PLXDC2: variants seen among roughly 807,000 people sequenced by gnomAD.
PLXDC2 encodes the protein plexin domain-containing protein 2.
A neutral mutation model predicts 68.9 loss-of-function variants in PLXDC2; 40 were observed. That is an observed-to-expected ratio of 0.58 (90% CI 0.45 to 0.76). The LOEUF (loss-of-function observed/expected upper bound fraction) is 0.76, where lower values mean the gene tolerates loss of function less well. Ranked by LOEUF, PLXDC2 falls within the 30% of genes least tolerant of loss-of-function variation. The pLI is 0.00. For missense variants in PLXDC2, 644 were observed against 661.9 expected (o/e 0.97, Z 0.30); for synonymous variants, 243 against 234.2 (o/e 1.04, Z -0.34).
At chr10:19,969,811 G>T (rs1834320479) in intron 1 of PLXDC2, among the ~76,000 whole-genome samples, 1 of 152,178 alleles carries the variant, frequency 6.6e-6, no homozygotes, top group Admixed American at 6.5e-5. Flanking sequence ...TCATAAAACA[G>T]AATAGAAATG....
At chr10:20,254,416 A>G (rs1464553159) in intron 13 of PLXDC2, among the ~76,000 whole-genome samples, 1 of 152,184 alleles carries the variant, frequency 6.6e-6, no homozygotes, top group African/African-American at 2.4e-5. Flanking sequence ...GGACAAACCT[A>G]TGTAGTTCAT....
At chr10:19,945,632 A>ATT (rs1833889281) in intron 1 of PLXDC2, among the ~76,000 whole-genome samples, 1 of 152,018 alleles carries the variant, frequency 6.6e-6, no homozygotes, top group African/African-American at 2.4e-5. Context: ...TGTGACCTGA[A>ATT]TTGTCTGTGG....
chr10:19,820,640 C>CAAAAAA, intron 1 of PLXDC2, among the ~76,000 whole-genome samples: 1 of 127,272 alleles, frequency 7.9e-6, no homozygotes, highest in Non-Finnish European at 1.7e-5. Context: ...GACTCCGTCT[C>CAAAAAA]AAAAAAAAAA....
At chr10:20,130,586 G>T (rs1833853926) in intron 4 of PLXDC2, among the ~76,000 whole-genome samples, 1 of 151,996 alleles carries the variant, frequency 6.6e-6, no homozygotes. Context: ...ATCCCGAGAA[G>T]CTTTTAGCTT....
chr10:20,183,684 A>G (rs1834639669), intron 9 of PLXDC2, among the ~76,000 whole-genome samples: 1 of 151,994 alleles, frequency 6.6e-6, no homozygotes, highest in African/African-American at 2.4e-5. Context: ...GTGTCTGGAC[A>G]AATGCAGATA....
intron 4 of PLXDC2, among the ~76,000 whole-genome samples, chr10:20,108,682 T>C (rs537247745): frequency 1.7e-3 from 254 of 152,290 alleles, no homozygotes; most frequent in African/African-American, 5.1e-3. Context: ...AATCTCATCA[T>C]CCTCTTTTTT....
At chr10:20,182,225 A>T (rs905810552) in intron 9 of PLXDC2, among the ~76,000 whole-genome samples, 1 of 151,930 alleles carries the variant, frequency 6.6e-6, no homozygotes, top group Non-Finnish European at 1.5e-5. Context: ...GATTTCCTTC[A>T]TGTTCCTTTA....
intron 4 of PLXDC2, among the ~76,000 whole-genome samples, chr10:20,125,472 T>C (rs927313071): frequency 6.6e-6 from 1 of 152,146 alleles, no homozygotes; most frequent in Non-Finnish European, 1.5e-5. Context: ...TACCATCACC[T>C]TGGCGGACCA....
intron 3 of PLXDC2, among the ~76,000 whole-genome samples, chr10:20,055,848 T>A (rs1377361032): frequency 1.3e-5 from 2 of 152,184 alleles, no homozygotes; most frequent in South Asian, 2.1e-4. Flanking sequence ...TCTAATCAAA[T>A]TCTAAATACT....
chr10:19,943,849 A>G (rs1266245532), intron 1 of PLXDC2, among the ~76,000 whole-genome samples: 2 of 152,210 alleles, frequency 1.3e-5, no homozygotes, highest in East Asian at 3.9e-4. Flanking sequence ...TGAGCAGGTA[A>G]TAATAAAGGT....
intron 4 of PLXDC2, among the ~76,000 whole-genome samples, chr10:20,078,498 G>T (rs944686430): frequency 7.9e-5 from 12 of 152,154 alleles, no homozygotes; most frequent in African/African-American, 2.9e-4. Flanking sequence ...ATGTAAAAAT[G>T]AGTGTTATAA....
intron 13 of PLXDC2, among the ~76,000 whole-genome samples, chr10:20,275,648 C>A (rs115673025): frequency 6.6e-6 from 1 of 151,982 alleles, no homozygotes; most frequent in East Asian, 1.9e-4. Context: ...CGCTTTGGCT[C>A]ACGCCTGTAA....
At chr10:19,998,341 A>G (rs1485873635) in intron 1 of PLXDC2, among the ~76,000 whole-genome samples, 1 of 152,222 alleles carries the variant, frequency 6.6e-6, no homozygotes, top group Non-Finnish European at 1.5e-5. Context: ...TCTGTAAAAC[A>G]TATATTTTGA....
intron 2 of PLXDC2, among the ~76,000 whole-genome samples, chr10:20,033,437 A>G (rs1835532846): frequency 6.6e-6 from 1 of 152,162 alleles, no homozygotes; most frequent in Non-Finnish European, 1.5e-5. Context: ...GTATTATAGC[A>G]TACCCAATTA....
chr10:20,109,592 T>A (rs1833532598), intron 4 of PLXDC2, among the ~76,000 whole-genome samples: 1 of 152,184 alleles, frequency 6.6e-6, no homozygotes, highest in Non-Finnish European at 1.5e-5. Context: ...TTTGATATTC[T>A]TAATGATTGT....
At chr10:20,063,608 A>G (rs901168848) in intron 3 of PLXDC2, among the ~76,000 whole-genome samples, 16 of 73,552 alleles carry the variant, frequency 2.2e-4, no homozygotes, top group African/African-American at 2.0e-3. Flanking sequence ...ATTAGCAGAG[A>G]TTTAATAATT....
chr10:20,160,549 A>G (rs1408941386), intron 6 of PLXDC2, among the ~76,000 whole-genome samples: 1 of 152,184 alleles, frequency 6.6e-6, no homozygotes, highest in Non-Finnish European at 1.5e-5. Context: ...GATCACTTAT[A>G]GTGATCTTCC....
At chr10:20,214,162 ATG>A (rs1835106117) in intron 10 of PLXDC2, among the ~76,000 whole-genome samples, 1 of 152,142 alleles carries the variant, frequency 6.6e-6, no homozygotes, top group Non-Finnish European at 1.5e-5. Context: ...TTTATCTTTT[ATG>A]ATTTTAAATA....
chr10:19,826,119 G>T (rs1057356040), intron 1 of PLXDC2, among the ~76,000 whole-genome samples: 7 of 152,096 alleles, frequency 4.6e-5, no homozygotes, highest in Admixed American at 3.3e-4. Context: ...AGTGGATATG[G>T]GTTCCTGTGA....
Sources: allele counts gnomAD v4.1 joint callset (sites outside exome capture counted in the v4.1 genomes callset), GRCh38; gene constraint gnomAD v4.1.1; transcripts MANE v1.5; gene names NCBI Gene and HGNC (gene_info 2026-07-23, HGNC 2026-07-21).